SZRD1: variants seen among roughly 807,000 people sequenced by gnomAD.
The protein encoded by SZRD1 is SUZ RNA binding domain containing 1.
In SZRD1, 7 loss-of-function variants were observed where a neutral mutation model predicts 17.6. That is an observed-to-expected ratio of 0.40 (90% CI 0.23 to 0.75). The LOEUF (loss-of-function observed/expected upper bound fraction) is 0.75, where lower values mean the gene tolerates loss of function less well. Among genes scored for constraint, SZRD1 ranks in the 30% least tolerant of loss-of-function variants. The pLI is 0.38. For synonymous variants in SZRD1, 77 were observed against 77.9 expected (o/e 0.99, Z 0.06); for missense variants, 178 against 201.8 (o/e 0.88, Z 0.71).
Position 16,393,561 on chromosome 1 carries a change from A to G in SZRD1, c.356+79A>G, listed in dbSNP as rs1570049361. The G allele has an allele frequency of 9.7e-6, 14 of 1,441,028 alleles. No homozygotes were observed. The East Asian group carries it at 9.9e-5, about 10-fold the overall frequency. The allele number at this position is 1,441,028 out of a possible 1,614,324, so 89.3% of individuals were successfully genotyped here. The stretch of plus-strand genomic sequence containing the variant: ...AGAGGAGAGCATCCTGGCTGCGTGT[A>G]GAGTAGTGAGAAGCAAGCAGAGTCA... On this transcript the variant is annotated intron_variant, in intron 3 of 3. Transcript: ENST00000401088. The surrounding 1 kb of genome is among the most constrained non-coding windows in gnomAD (Gnocchi z 5.6).
chr1:16,391,537 C>A lies in SZRD1; in HGVS notation c.101+113C>A. On this transcript the variant is annotated intron_variant, in intron 2 of 3. Coordinates refer to ENST00000401088, the MANE Select transcript of SZRD1 (RefSeq NM_001114600.3). The surrounding 1 kb of genome is among the most constrained non-coding windows in gnomAD (Gnocchi z 4.3). ...TTAGCAGGTCCTAGCAGGTCAGGCT[C>A]TGGGGCAGCAAACCCTTCCCTCCAA... 1 of 902,658 alleles carries A rather than the reference C, an allele frequency of 1.1e-6. No individual in the cohort carries two copies. The highest frequency in any genetic ancestry group is 1.7e-6 in the Non-Finnish European group (1 of 582,998). 55.9% of individuals were successfully genotyped at this position (902,658 alleles called of 1,614,324 possible).
intron 3 of SZRD1, 110 bp from the exon 4 acceptor site, chr1:16,394,928 C>G (rs2085283742): frequency 4.4e-6 from 3 of 689,468 alleles, no homozygotes; most frequent in Non-Finnish European, 7.4e-6. Flanking sequence ...GCACTCCAAT[C>G]TAGGTGACAG....
intron 2 of SZRD1, among the ~76,000 whole-genome samples, chr1:16,392,742 G>T (rs2085239035): frequency 6.6e-6 from 1 of 152,178 alleles, no homozygotes; most frequent in African/African-American, 2.4e-5. Context: ...GGGCTCCTTT[G>T]TAGTGTTTGT....
At position 16,391,512 on chromosome 1, in the gene SZRD1, T is replaced by TTAGCAGGTCC. The variant is rs1420675184; in HGVS notation, c.101+98_101+107dup. ...GGTGTTCTCCAGCTGGCCATTAGGA[T>TTAGCAGGTCC]TAGCAGGTCCTAGCAGGTCAGGCTC... On this transcript the variant is annotated intron_variant, in intron 2 of 3. Transcript: ENST00000401088. The surrounding 1 kb of genome is among the most constrained non-coding windows in gnomAD (Gnocchi z 4.3). 1.7e-6 allele frequency: 2 copies of TTAGCAGGTCC among 1,165,462 alleles called. No homozygotes were observed. Among genetic ancestry groups the TTAGCAGGTCC allele is most frequent in the African/African-American group, 1.5e-5 (1 of 64,794 alleles). The allele number at this position is 1,165,462 out of a possible 1,614,324, so 72.2% of individuals were successfully genotyped here. A position where few individuals can be genotyped will look rare whatever the true frequency, so the allele number is the denominator to read the frequency against.
At chr1:16,369,844 A>T (rs933954147) in intron 1 of SZRD1, among the ~76,000 whole-genome samples, 1 of 150,546 alleles carries the variant, frequency 6.6e-6, no homozygotes, top group Non-Finnish European at 1.5e-5. Context: ...AGCCGAGATC[A>T]TGCCATTGCA....
chr1:16,394,476 C>G (rs1353349528), intron 3 of SZRD1, among the ~76,000 whole-genome samples: 2 of 152,198 alleles, frequency 1.3e-5, no homozygotes. Flanking sequence ...CAAGCACTCC[C>G]CCTGCCTACA....
chr1:16,380,913 CTT>C (rs573976466), intron 1 of SZRD1, among the ~76,000 whole-genome samples: 6 of 143,348 alleles, frequency 4.2e-5, no homozygotes, highest in Admixed American at 7.1e-5. Flanking sequence ...AGCCCCTCAT[CTT>C]TTTTTTTTTT....
chr1:16,376,782 G>T (rs2083009818), intron 1 of SZRD1, among the ~76,000 whole-genome samples: 1 of 146,708 alleles, frequency 6.8e-6, no homozygotes, highest in Non-Finnish European at 1.5e-5. Context: ...CTCCAGCCTG[G>T]GCGACACAGC....
chr1:16,381,965 C>G (rs2083112475), intron 1 of SZRD1, among the ~76,000 whole-genome samples: 1 of 152,016 alleles, frequency 6.6e-6, no homozygotes, highest in African/African-American at 2.4e-5. Flanking sequence ...GAAGTGCGTT[C>G]TAGGCAGAGG....
intron 1 of SZRD1, among the ~76,000 whole-genome samples, chr1:16,371,030 A>G (rs751456890): frequency 6.6e-6 from 1 of 152,152 alleles, no homozygotes; most frequent in Non-Finnish European, 1.5e-5. Context: ...CCCTCTTCCT[A>G]CTGGTAATGA....
Position 16,395,427 on chromosome 1 carries a change from G to A in SZRD1, c.*287G>A, listed in dbSNP as rs1049794564. The A allele has an allele frequency of 6.5e-5, 29 of 444,734 alleles. No individual in the cohort carries two copies. The highest frequency in any genetic ancestry group is 5.4e-4 in the African/African-American group (27 of 50,386). 27.5% of individuals were successfully genotyped at this position (444,734 alleles called of 1,614,324 possible). ...GGGAAGGTTGGGGGGACCCAGCAAG[G>A]ACTCAGAGAGTCAGACAGTGCCACT... On this transcript the variant is annotated 3_prime_UTR_variant, in exon 4 of 4. Transcript: ENST00000401088.
chr1:16,388,662 AC>A (rs1211235762), intron 1 of SZRD1, among the ~76,000 whole-genome samples: 1 of 150,834 alleles, frequency 6.6e-6, no homozygotes, highest in Non-Finnish European at 1.5e-5. Flanking sequence ...TGTTTAACTT[AC>A]TAGAAAGAAT....
chr1:16,370,994 C>T (rs187045817), intron 1 of SZRD1, among the ~76,000 whole-genome samples: 24 of 152,234 alleles, frequency 1.6e-4, no homozygotes, highest in Non-Finnish European at 1.5e-5. Flanking sequence ...TAGGCAATTG[C>T]GTAAAAGTCT....
intron 1 of SZRD1, among the ~76,000 whole-genome samples, chr1:16,370,437 C>T (rs929919484): frequency 3.3e-5 from 5 of 151,684 alleles, no homozygotes; most frequent in African/African-American, 7.3e-5. Flanking sequence ...ATGTTGGCCA[C>T]GCTGATCTCG....
intron 1 of SZRD1, among the ~76,000 whole-genome samples, chr1:16,378,505 C>G (rs1159162590): frequency 6.6e-6 from 1 of 151,868 alleles, no homozygotes; most frequent in African/African-American, 2.4e-5. Flanking sequence ...CCGGTCTGGT[C>G]TTGAACTCTT....
At chr1:16,394,482 C>T (rs2100754820) in intron 3 of SZRD1, among the ~76,000 whole-genome samples, 1 of 152,304 alleles carries the variant, frequency 6.6e-6, no homozygotes, top group South Asian at 2.1e-4. Flanking sequence ...CTCCCCCTGC[C>T]TACAAGTGCA....
At position 16,393,381 on chromosome 1, in the gene SZRD1, C is replaced by G. The variant is rs1286590179; in HGVS notation, c.255C>G (p.Val85=). The G allele has an allele frequency of 6.2e-7, 1 of 1,614,218 alleles. No individual in the cohort carries two copies. The highest frequency in any genetic ancestry group is 1.1e-5 in the South Asian group (1 of 91,078). Reference sequence around the variant, plus strand: ...CCACCAGCAGGCCCACCCTTCCAGTCAAGTCCCTAGCACAGCGAGAGGCCG... The same window carrying G: ...CCACCAGCAGGCCCACCCTTCCAGTGAAGTCCCTAGCACAGCGAGAGGCCG... ...PNSTSRPTLP[V]KSLAQREAEY... The change falls in exon 3 of 4, where the codon GTC becomes GTG. Residue 85 remains valine (V), a synonymous_variant. Transcript: ENST00000401088. The surrounding 1 kb of genome is among the most constrained non-coding windows in gnomAD (Gnocchi z 5.6).
intron 1 of SZRD1, among the ~76,000 whole-genome samples, chr1:16,381,962 G>A (rs918077717): frequency 2.6e-5 from 4 of 152,096 alleles, no homozygotes; most frequent in African/African-American, 7.2e-5. Flanking sequence ...GTTGAAGTGC[G>A]TTCTAGGCAG....
At chr1:16,380,283 T>C (rs1455006928) in intron 1 of SZRD1, among the ~76,000 whole-genome samples, 1 of 150,080 alleles carries the variant, frequency 6.7e-6, no homozygotes, top group Non-Finnish European at 1.5e-5. Flanking sequence ...GAGACCAGCC[T>C]GAGCAACATA....
Sources: allele counts gnomAD v4.1 joint callset (sites outside exome capture counted in the v4.1 genomes callset), GRCh38; gene constraint gnomAD v4.1.1; non-coding constraint Gnocchi (gnomAD v3.1); transcripts MANE v1.5; gene names NCBI Gene and HGNC (gene_info 2026-07-23, HGNC 2026-07-21).